The following ZBTB20 variants were observed in gnomAD, a reference collection of about 807,000 sequenced individuals.
The protein encoded by ZBTB20 is zinc finger and BTB domain-containing protein 20.
A neutral mutation model predicts 56.9 loss-of-function variants in ZBTB20; 9 were observed. The ratio of observed to expected loss-of-function variants is 0.16; its 90% CI spans 0.10 to 0.28. The LOEUF (loss-of-function observed/expected upper bound fraction) is 0.28, where lower values mean the gene tolerates loss of function less well. Ranked by LOEUF, ZBTB20 falls within the 10% of genes least tolerant of loss-of-function variation. The pLI, the probability that ZBTB20 is intolerant of heterozygous loss-of-function variation, is 1.00. For missense variants in ZBTB20, 655 were observed against 1,003.0 expected (o/e 0.65, Z 4.69); for synonymous variants, 417 against 420.7 (o/e 0.99, Z 0.11).
At chr3:114,803,158 G>A (rs1479905627) in intron 4 of ZBTB20, among the ~76,000 whole-genome samples, 1 of 148,702 alleles carries the variant, frequency 6.7e-6, no homozygotes, top group East Asian at 2.0e-4. Flanking sequence ...TCTTGGTGAG[G>A]GTAATGAGGC....
intron 7 of ZBTB20, among the ~76,000 whole-genome samples, chr3:114,420,891 C>T (rs917600591): frequency 1.3e-5 from 2 of 152,076 alleles, no homozygotes; most frequent in Non-Finnish European, 2.9e-5. Flanking sequence ...AGTGGGTCTC[C>T]TTTTCTGTCC....
At position 115,089,496 on chromosome 3, in the gene ZBTB20, A is replaced by G. The variant is rs972937168; in HGVS notation, c.-702-18082T>C. Among the ~76,000 whole-genome samples the G allele has an allele frequency of 2.0e-5, 3 of 151,828 alleles. No homozygotes were observed. The East Asian group carries it at 5.8e-4, about 29-fold the overall frequency. On this transcript the variant is annotated intron_variant, in intron 1 of 11. Transcript: ENST00000675478. ...AATAGAAAAATTTTTTCAAAACTCA[A>G]TTTACATGGTCTAAGCAACAATTAT...
At chr3:114,998,350 C>A (rs2079111477) in intron 2 of ZBTB20, among the ~76,000 whole-genome samples, 1 of 151,744 alleles carries the variant, frequency 6.6e-6, no homozygotes, top group South Asian at 2.1e-4. Context: ...GTTGTGCCAT[C>A]ACAAAAGAAT....
intron 10 of ZBTB20, among the ~76,000 whole-genome samples, chr3:114,358,926 C>G (rs1473880416): frequency 6.6e-6 from 1 of 152,148 alleles, no homozygotes; most frequent in African/African-American, 2.4e-5. Flanking sequence ...CATAACTGAT[C>G]ATGTTTCCCT....
At chr3:114,449,385 G>A (rs1007578724) in intron 7 of ZBTB20, among the ~76,000 whole-genome samples, 148 of 152,242 alleles carry the variant, frequency 9.7e-4, no homozygotes, top group African/African-American at 3.5e-3. Flanking sequence ...CAGCTAATGA[G>A]TAAGTACATT....
intron 4 of ZBTB20, among the ~76,000 whole-genome samples, chr3:114,828,212 G>T (rs2073649576): frequency 1.3e-5 from 2 of 151,588 alleles, no homozygotes; most frequent in Admixed American, 6.6e-5. Flanking sequence ...TTATTCATAT[G>T]TCTCATGACA....
rs148259127 is a variant in ZBTB20 at position 115,124,280 on chromosome 3, C to T, written c.-703+22939G>A. Among the ~76,000 whole-genome samples, 26 of 152,084 alleles carry T rather than the reference C, an allele frequency of 1.7e-4. No individual in the cohort carries two copies. The East Asian group carries it at 4.4e-3, about 26-fold the overall frequency. On this transcript the variant is annotated intron_variant, in intron 1 of 11. Coordinates refer to ENST00000675478, the MANE Select transcript of ZBTB20 (RefSeq NM_001348800.3). ...ATATACTGAACTTGTAGTAGTATTC[C>T]AATTGAATTAGTTTGAATATTATAA... is the stretch of plus-strand genomic sequence containing the variant.
At chr3:114,877,218 T>C (rs1469011267) in intron 4 of ZBTB20, among the ~76,000 whole-genome samples, 2 of 152,220 alleles carry the variant, frequency 1.3e-5, no homozygotes, top group East Asian at 1.9e-4. Context: ...AAACCAACCA[T>C]TCATTTATTA....
intron 5 of ZBTB20, among the ~76,000 whole-genome samples, chr3:114,780,170 C>T (rs942861503): frequency 6.6e-5 from 10 of 152,082 alleles, no homozygotes; most frequent in Non-Finnish European, 1.3e-4. Flanking sequence ...AATGGTATCT[C>T]CATCAAACAT....
chr3:114,935,725 A>T (rs909920589), intron 3 of ZBTB20, among the ~76,000 whole-genome samples: 2 of 152,212 alleles, frequency 1.3e-5, no homozygotes, highest in Non-Finnish European at 2.9e-5. Context: ...TCAATCTGGC[A>T]TATAATTACT....
At chr3:114,674,460 A>G (rs1215589362) in intron 6 of ZBTB20, among the ~76,000 whole-genome samples, 8 of 152,192 alleles carry the variant, frequency 5.3e-5, no homozygotes. Flanking sequence ...GAATATTTTG[A>G]AAATCAAAGA....
At chr3:115,069,443 C>G (rs1254885313) in intron 2 of ZBTB20, among the ~76,000 whole-genome samples, 1 of 152,116 alleles carries the variant, frequency 6.6e-6, no homozygotes, top group African/African-American at 2.4e-5. Context: ...CACTAATATG[C>G]CACGAACTCT....
At chr3:114,585,065 G>T (rs545404304) in intron 6 of ZBTB20, among the ~76,000 whole-genome samples, 8 of 152,112 alleles carry the variant, frequency 5.3e-5, no homozygotes, top group African/African-American at 1.9e-4. Flanking sequence ...CAAGGCTCCT[G>T]TTAAAGGCTG....
At chr3:114,389,751 TGATGGC>T (rs1394660066) in intron 7 of ZBTB20, among the ~76,000 whole-genome samples, 2 of 151,642 alleles carry the variant, frequency 1.3e-5, no homozygotes, top group Non-Finnish European at 2.9e-5. Flanking sequence ...TAGCCAGGCG[TGATGGC>T]GCACGCCTGT....
At chr3:114,759,077 A>G (rs1248027721) in intron 5 of ZBTB20, 3 of 152,122 alleles carry the variant, frequency 2.0e-5, no homozygotes, top group Non-Finnish European at 4.4e-5. Context: ...TTTTTCTTCT[A>G]ACTTGCATAT....
chr3:114,729,956 ATTTTTTTTT>A (rs1229757252), intron 5 of ZBTB20, among the ~76,000 whole-genome samples: 7 of 119,446 alleles, frequency 5.9e-5, no homozygotes, highest in Non-Finnish European at 1.2e-4. Flanking sequence ...CATCCGGCTA[ATTTTTTTTT>A]TTTTTTTTTT....
Position 114,339,440 on chromosome 3 carries a change from A to G in ZBTB20, c.1805-14T>C. The G allele has an allele frequency of 1.2e-6, 2 of 1,610,290 alleles. No individual in the cohort carries two copies. The highest frequency in any genetic ancestry group is 1.7e-6 in the Non-Finnish European group (2 of 1,177,566). On this transcript the variant is annotated splice_polypyrimidine_tract_variant and intron_variant, in intron 11 of 11. Coordinates refer to ENST00000675478, the MANE Select transcript of ZBTB20 (RefSeq NM_001348800.3). This position sits in a 1 kb window ranked among gnomAD's most constrained non-coding sequence, Gnocchi z 4.2. ...GGGGCTTCTCACCTGTTGATGTAGGAAGAGACAGCAAGCAGGACAGAGCGA... is the reference window on the plus strand; with the variant it reads ...GGGGCTTCTCACCTGTTGATGTAGGGAGAGACAGCAAGCAGGACAGAGCGA...
At chr3:114,452,290 TA>T (rs1559807008) in intron 7 of ZBTB20, among the ~76,000 whole-genome samples, 1 of 152,176 alleles carries the variant, frequency 6.6e-6, no homozygotes, top group Non-Finnish European at 1.5e-5. Flanking sequence ...CCTTAAGCAC[TA>T]TTAAAAGCAT....
At chr3:114,953,330 CA>C (rs1318026505) in intron 3 of ZBTB20, among the ~76,000 whole-genome samples, 1 of 151,230 alleles carries the variant, frequency 6.6e-6, no homozygotes, top group Non-Finnish European at 1.5e-5. Context: ...AAGAAACAAA[CA>C]GAAAACAAAA....
Sources: gnomAD v4.1 joint callset for allele counts (sites outside exome capture counted in the v4.1 genomes callset) on GRCh38, gnomAD v4.1.1 for gene constraint, Gnocchi (gnomAD v3.1) non-coding constraint, MANE v1.5 for transcripts, NCBI Gene and HGNC (gene_info 2026-07-23, HGNC 2026-07-21) for gene names.